Variants in MTERF4 observed in about 807,000 individuals in gnomAD.
MTERF4 encodes mitochondrial transcription termination factor 4.
Under a neutral mutation model 22.5 loss-of-function variants are expected in MTERF4, and 17 were observed. The ratio of observed to expected loss-of-function variants is 0.75; its 90% confidence interval spans 0.52 to 1.13. The LOEUF is 1.13. MTERF4 is among the 50% of genes most tolerant of loss of function. The pLI, the probability that MTERF4 is intolerant of heterozygous loss-of-function variation, is 0.00. For missense variants in MTERF4, 420 were observed against 466.8 expected, an observed-to-expected ratio of 0.90 and a Z score of 0.92; for synonymous variants, 165 against 175.3, an observed-to-expected ratio of 0.94 and a Z score of 0.47.
the MTERF4 span, chr2:241,048,427 G>T: frequency 6.2e-7 from 1 of 1,606,340 alleles, no homozygotes; most frequent in Non-Finnish European, 8.5e-7. Flanking sequence ...TCATGGGCCT[G>T]GACTGCAGGG....
At chr2:241,060,519 A>T in the MTERF4 span, among the ~76,000 whole-genome samples, 2 of 152,230 alleles carry the variant, frequency 1.3e-5, no homozygotes, top group Non-Finnish European at 1.5e-5. Context: ...ATACAAAAGC[A>T]TATGAGAAAA....
intron 4 of MTERF4, among the ~76,000 whole-genome samples, chr2:241,076,708 G>C (rs1189660730): frequency 6.6e-6 from 1 of 152,106 alleles, no homozygotes. Flanking sequence ...GTGTGGTAAT[G>C]GGTTAAGGAT....
In MTERF4 at chr2:241,096,776, T is replaced by A; in HGVS notation, c.706-338A>T. 2 of 525,758 alleles carry A rather than the reference T, an allele frequency of 3.8e-6. No individual in the cohort carries two copies. Among genetic ancestry groups the A allele is most frequent in the South Asian group, 4.0e-5 (2 of 49,678 alleles). 32.6% of individuals were successfully genotyped at this position (525,758 alleles called of 1,614,324 possible). On this transcript the variant is annotated intron_variant, in intron 3 of 3. Transcript: ENST00000391980. This position sits in a 1 kb window ranked among gnomAD's most constrained non-coding sequence, Gnocchi z 5.1. ...ATAGGCAAAACATTCAGAAAACATC[T>A]AGAAATTCGACCTAAGTTGTCATAA...
chr2:241,074,212 CAT>C (rs374613715), exon 5 of MTERF4: 57 of 152,302 alleles, frequency 3.7e-4, no homozygotes, highest in African/African-American at 1.3e-3. Flanking sequence ...TTCTCAAGGA[CAT>C]GTGTACACAT....
At position 241,100,727 on chromosome 2, in the gene MTERF4, TA is replaced by T. The variant is rs1168160462; in HGVS notation, c.22-834del. 3.3e-5 allele frequency among the ~76,000 whole-genome samples: 5 copies of T among 152,162 alleles called. No individual in the cohort carries two copies. The East Asian group carries it at 9.6e-4, about 29-fold the overall frequency. On this transcript the variant is annotated intron_variant, in intron 1 of 3. Transcript: ENST00000391980. The stretch of plus-strand genomic sequence containing the variant: ...CTTTAAGAATACAGAATGCAATATA[TA>T]TATATACAAGATATGTGTTAACTGT...
At chr2:241,051,846 G>C in the MTERF4 span, 1 of 1,556,444 alleles carries the variant, frequency 6.4e-7, no homozygotes, top group Non-Finnish European at 8.7e-7. This position sits in a 1 kb window ranked among gnomAD's most constrained non-coding sequence, Gnocchi z 4.7. Flanking sequence ...TTCACTGGGA[G>C]GCACTGTGAG....
chr2:241,068,603 C>T (rs1225009946), downstream of MTERF4, among the ~76,000 whole-genome samples: 1 of 152,074 alleles, frequency 6.6e-6, no homozygotes, highest in Non-Finnish European at 1.5e-5. This position sits in a 1 kb window ranked among gnomAD's most constrained non-coding sequence, Gnocchi z 5.3. Context: ...CGTCCCCCAT[C>T]CCTGCACAGT....
the MTERF4 span, among the ~76,000 whole-genome samples, chr2:241,053,982 A>G: frequency 1.3e-5 from 2 of 152,254 alleles, no homozygotes; most frequent in Admixed American, 1.3e-4. Flanking sequence ...GCTTAGGAAC[A>G]GTGGGTGACA....
At chr2:241,059,158 A>G in the MTERF4 span, among the ~76,000 whole-genome samples, 1 of 152,228 alleles carries the variant, frequency 6.6e-6, no homozygotes, top group African/African-American at 2.4e-5. Flanking sequence ...CTTAGGGGAA[A>G]TGGATACCCT....
the MTERF4 span, chr2:241,048,879 C>T: frequency 8.4e-7 from 1 of 1,185,228 alleles, no homozygotes; most frequent in Non-Finnish European, 1.2e-6. Flanking sequence ...ATTGGTTCTA[C>T]CCCCACCCAG....
At chr2:241,084,449 C>T (rs996594801), downstream of MTERF4, among the ~76,000 whole-genome samples, 4 of 152,036 alleles carry the variant, frequency 2.6e-5, no homozygotes, top group South Asian at 2.1e-4. Context: ...TGACTGTGCC[C>T]GGCCAGCAGT....
At chr2:241,079,329 A>T (rs1165953542) in intron 4 of MTERF4, among the ~76,000 whole-genome samples, 1 of 141,470 alleles carries the variant, frequency 7.1e-6, no homozygotes, top group Non-Finnish European at 1.5e-5. Context: ...GGAGAATGGC[A>T]TGAACCCAGG....
intron 4 of MTERF4, among the ~76,000 whole-genome samples, chr2:241,078,524 G>C (rs1404613528): frequency 2.6e-5 from 4 of 151,856 alleles, no homozygotes; most frequent in African/African-American, 7.3e-5. Flanking sequence ...ATGCTAAGTG[G>C]AAGAAGCCAG....
At chr2:241,085,631 T>G (rs1036703219), downstream of MTERF4, among the ~76,000 whole-genome samples, 5 of 152,176 alleles carry the variant, frequency 3.3e-5, no homozygotes, top group African/African-American at 1.2e-4. Context: ...ATTCAAATGA[T>G]TCTTGAATGT....
At chr2:241,099,266 G>C (rs747514342) in intron 2 of MTERF4, 130 bp downstream of exon 2, 97 of 1,003,294 alleles carry the variant, frequency 9.7e-5, no homozygotes, top group Non-Finnish European at 1.3e-4. Context: ...GTTGAGTCAG[G>C]GTTTCACCAT....
chr2:241,049,772 G>C, the MTERF4 span: 1 of 1,487,600 alleles, frequency 6.7e-7, no homozygotes, highest in Non-Finnish European at 9.4e-7. Context: ...CGCCCGCACA[G>C]ATGCGGCGTA....
downstream of MTERF4, among the ~76,000 whole-genome samples, chr2:241,091,341 T>C (rs2063969748): frequency 6.6e-6 from 1 of 152,176 alleles, no homozygotes; most frequent in Admixed American, 6.5e-5. This position sits in a 1 kb window ranked among gnomAD's most constrained non-coding sequence, Gnocchi z 4.1. Flanking sequence ...CAGGCTGTGA[T>C]TTCACATTTA....
At chr2:241,087,723 T>C, downstream of MTERF4, 1 of 1,342,580 alleles carries the variant, frequency 7.4e-7, no homozygotes, top group Non-Finnish European at 9.5e-7. Flanking sequence ...TGGTTATGCA[T>C]ATTCACACAG....
the MTERF4 span, chr2:241,050,164 A>G: frequency 1.7e-6 from 1 of 580,446 alleles, no homozygotes. Flanking sequence ...TGCTCTTCTG[A>G]AAATAGGCTT....
Sources: gnomAD v4.1 joint callset for allele counts (sites outside exome capture counted in the v4.1 genomes callset) on GRCh38, gnomAD v4.1.1 for gene constraint, Gnocchi (gnomAD v3.1) non-coding constraint, MANE v1.5 for transcripts, NCBI Gene and HGNC (gene_info 2026-07-23, HGNC 2026-07-21) for gene names.